The following SLC24A2 variants were observed in gnomAD, a reference collection of about 807,000 sequenced individuals.
The protein encoded by SLC24A2 is solute carrier family 24 member 2, also known as sodium/potassium/calcium exchanger 2.
In SLC24A2, 36 loss-of-function variants were observed where a neutral mutation model predicts 62.0. That is an observed-to-expected ratio of 0.58 (90% confidence interval 0.44 to 0.77). SLC24A2 has a LOEUF of 0.77. Among genes scored for constraint, SLC24A2 ranks in the 30% least tolerant of loss-of-function variants. The pLI is 0.00. For missense variants in SLC24A2, 846 were observed against 817.9 expected (o/e 1.03, Z -0.42); for synonymous variants, 358 against 294.0 (o/e 1.22, Z -2.23).
At chr9:19,979,856 T>A in the SLC24A2 span, among the ~76,000 whole-genome samples, 1 of 152,230 alleles carries the variant, frequency 6.6e-6, no homozygotes, top group Admixed American at 6.5e-5. Flanking sequence ...TTAACCTCCA[T>A]GAGCTCCAGT....
chr9:19,531,150 T>C (rs977312428), intron 8 of SLC24A2, among the ~76,000 whole-genome samples: 2 of 152,202 alleles, frequency 1.3e-5, no homozygotes, highest in Non-Finnish European at 2.9e-5. Context: ...AGTATCAACG[T>C]TTCATTCATC....
At chr9:19,629,082 GTAT>G (rs1818108568) in intron 2 of SLC24A2, among the ~76,000 whole-genome samples, 1 of 152,068 alleles carries the variant, frequency 6.6e-6, no homozygotes, top group Admixed American at 6.6e-5. Context: ...ACAATAATAG[GTAT>G]TATAAACATA....
chr9:19,677,499 G>T (rs1230561592), intron 2 of SLC24A2, among the ~76,000 whole-genome samples: 1 of 152,180 alleles, frequency 6.6e-6, no homozygotes, highest in African/African-American at 2.4e-5. Flanking sequence ...TAATACCTGG[G>T]TGATGAAATA....
At chr9:19,952,544 C>G in the SLC24A2 span, among the ~76,000 whole-genome samples, 1 of 151,900 alleles carries the variant, frequency 6.6e-6, no homozygotes, top group Non-Finnish European at 1.5e-5. Context: ...TGAGATATAA[C>G]TTTGCCTAAT....
upstream of SLC24A2, among the ~76,000 whole-genome samples, chr9:19,789,232 G>A (rs1023083427): frequency 2.6e-5 from 4 of 152,252 alleles, no homozygotes. Context: ...TGTGGACGGG[G>A]GTCAGGATTT....
chr9:20,259,841 C>T, the SLC24A2 span, among the ~76,000 whole-genome samples: 8 of 152,194 alleles, frequency 5.3e-5, no homozygotes, highest in African/African-American at 1.9e-4. Flanking sequence ...ATAACCCTAG[C>T]ACTTTGGGAG....
At chr9:19,721,347 G>T (rs933566220) in intron 2 of SLC24A2, among the ~76,000 whole-genome samples, 2 of 152,088 alleles carry the variant, frequency 1.3e-5, no homozygotes, top group African/African-American at 4.8e-5. Flanking sequence ...ATTCTAAAAT[G>T]CTGACCCTCT....
At chr9:20,117,939 C>A in the SLC24A2 span, among the ~76,000 whole-genome samples, 1 of 152,108 alleles carries the variant, frequency 6.6e-6, no homozygotes, top group African/African-American at 2.4e-5. Flanking sequence ...GGTTATTAAG[C>A]TAGTAAGAGT....
the SLC24A2 span, among the ~76,000 whole-genome samples, chr9:19,898,637 G>T: frequency 6.6e-6 from 1 of 151,570 alleles, no homozygotes; most frequent in South Asian, 2.1e-4. Flanking sequence ...AGCTACTCGG[G>T]AGGCTAAGGC....
chr9:20,095,036 T>A, the SLC24A2 span, among the ~76,000 whole-genome samples: 1 of 152,202 alleles, frequency 6.6e-6, no homozygotes, highest in Non-Finnish European at 1.5e-5. Context: ...TTTTTAAATA[T>A]ACTTTAACCA....
intron 2 of SLC24A2, among the ~76,000 whole-genome samples, chr9:19,692,423 TGAAGATGGACTG>T (rs1459224268): frequency 6.6e-6 from 1 of 152,186 alleles, no homozygotes; most frequent in Non-Finnish European, 1.5e-5. Context: ...AGATATTGTT[TGAAGATGGACTG>T]TAATACCATA....
chr9:19,831,949 T>TA, the SLC24A2 span, among the ~76,000 whole-genome samples: 5 of 152,238 alleles, frequency 3.3e-5, no homozygotes, highest in Non-Finnish European at 7.3e-5. Flanking sequence ...TACTCTAGCA[T>TA]AATGAAAAAG....
At chr9:20,154,925 G>T in the SLC24A2 span, among the ~76,000 whole-genome samples, 2 of 151,572 alleles carry the variant, frequency 1.3e-5, no homozygotes, top group African/African-American at 2.4e-5. Flanking sequence ...GGCAAGTAAG[G>T]CCAGAGGGGT....
At chr9:20,113,118 C>T in the SLC24A2 span, among the ~76,000 whole-genome samples, 1 of 152,114 alleles carries the variant, frequency 6.6e-6, no homozygotes, top group Non-Finnish European at 1.5e-5. Context: ...GCAGTATCTC[C>T]ATGTCTTTTT....
chr9:19,560,916 TAGAG>T (rs139732950), intron 7 of SLC24A2, among the ~76,000 whole-genome samples: 5,284 of 119,200 alleles, frequency 0.044, 112 homozygotes, highest in African/African-American at 0.072. Context: ...TATATATATA[TAGAG>T]AGAGAGAGAG....
Position 19,607,955 on chromosome 9 carries a change from A to C in SLC24A2, c.1079-10676T>G, listed in dbSNP as rs929805291. ...CCATGTTTCAAATTCAAATATGAGA[A>C]TAATGCTTTACTATTCCCTAAAGAG... On this transcript the variant is annotated intron_variant, in intron 4 of 10. Transcript: ENST00000341998. Among the ~76,000 whole-genome samples the C allele has an allele frequency of 9.8e-5, 15 of 152,332 alleles. 1 individual carries two copies. The highest frequency in any genetic ancestry group is 3.6e-4 in the African/African-American group (15 of 41,584).
the SLC24A2 span, among the ~76,000 whole-genome samples, chr9:20,030,793 G>A: frequency 7.2e-5 from 11 of 152,274 alleles, 1 homozygote; most frequent in African/African-American, 2.6e-4. Flanking sequence ...ACTATTTAGT[G>A]AAATGAGTCC....
intron 2 of SLC24A2, among the ~76,000 whole-genome samples, chr9:19,725,735 G>C (rs576064925): frequency 6.6e-5 from 10 of 152,142 alleles, no homozygotes; most frequent in African/African-American, 2.4e-4. Context: ...AATTTGGTGA[G>C]AATAGTTTAC....
At chr9:20,172,718 CAA>C in the SLC24A2 span, among the ~76,000 whole-genome samples, 2 of 151,370 alleles carry the variant, frequency 1.3e-5, no homozygotes, top group Non-Finnish European at 3.0e-5. Context: ...AAATTACCAG[CAA>C]AAAAAAGTCC....
Sources: allele counts gnomAD v4.1 joint callset (sites outside exome capture counted in the v4.1 genomes callset), GRCh38; gene constraint gnomAD v4.1.1; transcripts MANE v1.5; gene names NCBI Gene and HGNC (gene_info 2026-07-23, HGNC 2026-07-21).